Variants in TRDN observed in about 807,000 individuals in gnomAD.
TRDN encodes triadin.
TRDN carries 161 observed loss-of-function variants against 149.7 expected under a neutral mutation model. That is an observed-to-expected ratio of 1.08 (90% CI 0.95 to 1.23). The LOEUF is 1.23. Ranked by LOEUF, TRDN falls within the 50% of genes most tolerant of loss-of-function variation. TRDN has a pLI of 0.00. For missense variants in TRDN, 896 were observed against 823.5 expected (o/e 1.09, Z -1.08); for synonymous variants, 294 against 250.5 (o/e 1.17, Z -1.64).
In TRDN at chr6:123,269,873, A is replaced by G. The variant is rs750145874; in HGVS notation, c.1721-7T>C. 7 of 1,610,274 alleles carry G rather than the reference A, an allele frequency of 4.3e-6. No homozygotes were observed. The South Asian group carries it at 7.7e-5, about 18-fold the overall frequency. Reference sequence around the variant, plus strand: ...CTTGTTGGTTTGGGCTTGGCTGTGGAGAATGGAGGCAAGCACATGGCATAT... The same window carrying G: ...CTTGTTGGTTTGGGCTTGGCTGTGGGGAATGGAGGCAAGCACATGGCATAT... On this transcript the variant is annotated splice_region_variant and splice_polypyrimidine_tract_variant and intron_variant, in intron 30 of 40. Coordinates refer to ENST00000334268, the MANE Select transcript of TRDN (RefSeq NM_006073.4).
intron 12 of TRDN, among the ~76,000 whole-genome samples, chr6:123,423,718 G>A (rs1027759951): frequency 2.0e-5 from 3 of 152,114 alleles, no homozygotes; most frequent in African/African-American, 4.8e-5. Flanking sequence ...TCATAGTCTT[G>A]AAATACCTTT....
rs75591541 is a variant in TRDN, at chr6:123,521,499, G to A, written c.485-5293C>T. ...ATCTACAAGGCCCCAAAGCTTGCCC[G>A]CAAACCTCCAGAGGCCAGGAGAGAG... On this transcript the variant is annotated intron_variant, in intron 5 of 40. Transcript: ENST00000334268. Among the ~76,000 whole-genome samples, 939 of 152,118 alleles carry A rather than the reference G, an allele frequency of 6.2e-3. 9 individuals carry two copies. Among genetic ancestry groups the A allele is most frequent in the African/African-American group, 0.021 (881 of 41,494 alleles).
chr6:123,547,328 A>G lies in TRDN; in HGVS notation c.424+12T>C. 2.1e-6 allele frequency: 3 copies of G among 1,443,698 alleles called. No homozygotes were observed. The highest frequency in any genetic ancestry group is 2.8e-6 in the Non-Finnish European group (3 of 1,085,396). 89.4% of individuals were successfully genotyped at this position (1,443,698 alleles called of 1,614,324 possible). On this transcript the variant is annotated intron_variant, in intron 4 of 40. Transcript: ENST00000334268. ...AGAAAAATAATTATTATCAAAGGTG[A>G]AAACAACTAACCTTTTTTTCTCAAG... is the stretch of plus-strand genomic sequence containing the variant.
intron 9 of TRDN, among the ~76,000 whole-genome samples, chr6:123,486,065 G>C (rs1165162132): frequency 6.6e-6 from 1 of 152,024 alleles, no homozygotes. Flanking sequence ...CTAATAAATA[G>C]TCAAAATCTT....
At chr6:123,569,154 C>G (rs776268837) in intron 2 of TRDN, among the ~76,000 whole-genome samples, 1 of 152,140 alleles carries the variant, frequency 6.6e-6, no homozygotes, top group Non-Finnish European at 1.5e-5. Flanking sequence ...CTCTCAGGTC[C>G]GTACTTCTAC....
At chr6:123,604,157 G>C (rs559458762) in intron 1 of TRDN, among the ~76,000 whole-genome samples, 1 of 152,260 alleles carries the variant, frequency 6.6e-6, no homozygotes, top group East Asian at 1.9e-4. Flanking sequence ...CTTCCCTCAA[G>C]GGTCTTAGAG....
At chr6:123,443,234 C>A (rs1347107325) in intron 10 of TRDN, among the ~76,000 whole-genome samples, 2 of 145,750 alleles carry the variant, frequency 1.4e-5, no homozygotes, top group Middle Eastern at 3.6e-3. Flanking sequence ...TATACATATA[C>A]ATATTATATA....
At chr6:123,408,307 G>C (rs1773278745) in intron 12 of TRDN, among the ~76,000 whole-genome samples, 1 of 152,142 alleles carries the variant, frequency 6.6e-6, no homozygotes, top group Non-Finnish European at 1.5e-5. Flanking sequence ...TTAAGCACTT[G>C]AATAAGGTCA....
intron 24 of TRDN, among the ~76,000 whole-genome samples, chr6:123,288,852 C>T (rs1216306945): frequency 6.6e-6 from 1 of 151,780 alleles, no homozygotes; most frequent in Non-Finnish European, 1.5e-5. Context: ...CCATATTCAG[C>T]AATTTTCAGC....
chr6:123,330,259 A>G (rs1468897925), intron 23 of TRDN, among the ~76,000 whole-genome samples: 1 of 152,130 alleles, frequency 6.6e-6, no homozygotes, highest in Admixed American at 6.6e-5. Context: ...ACTTAATGGT[A>G]TCTAACCATT....
Position 123,486,165 on chromosome 6 carries a change from A to G in TRDN, c.853+11028T>C, listed in dbSNP as rs540751072. On this transcript the variant is annotated intron_variant, in intron 9 of 40. Transcript: ENST00000334268. Reference sequence around the variant, plus strand: ...CGGTAAATGAAATGGATCCAAACATATTTTCTGAAAGATTTTACTCTTAGA... The same window carrying G: ...CGGTAAATGAAATGGATCCAAACATGTTTTCTGAAAGATTTTACTCTTAGA... Among the ~76,000 whole-genome samples the G allele has an allele frequency of 3.9e-5, 6 of 151,976 alleles. No homozygotes were observed. The South Asian group carries it at 1.0e-3, about 26-fold the overall frequency.
chr6:123,264,749 A>G (rs1396298634), intron 33 of TRDN, among the ~76,000 whole-genome samples: 1 of 152,032 alleles, frequency 6.6e-6, no homozygotes, highest in African/African-American at 2.4e-5. Flanking sequence ...TTCAGAAACC[A>G]CCACCTTCAT....
chr6:123,365,071 C>T (rs1235444681), intron 20 of TRDN, among the ~76,000 whole-genome samples: 1 of 152,060 alleles, frequency 6.6e-6, no homozygotes, highest in Non-Finnish European at 1.5e-5. Context: ...TAAAAACTGA[C>T]ATCACAAATA....
chr6:123,443,548 T>C (rs918215065), intron 10 of TRDN, among the ~76,000 whole-genome samples: 1 of 152,008 alleles, frequency 6.6e-6, no homozygotes, highest in Admixed American at 6.6e-5. Flanking sequence ...ATCTCAGCAC[T>C]TTGGGAGGCT....
chr6:123,413,910 A>C (rs1259716110), intron 12 of TRDN, among the ~76,000 whole-genome samples: 1 of 152,116 alleles, frequency 6.6e-6, no homozygotes, highest in East Asian at 1.9e-4. Context: ...ACTCACCATT[A>C]GACATCTCTA....
chr6:123,352,611 A>C lies in TRDN; in HGVS notation c.1322-25T>G. The C allele has an allele frequency of 1.9e-6, 3 of 1,604,916 alleles. No homozygotes were observed. The South Asian group carries it at 3.3e-5, about 18-fold the overall frequency. On this transcript the variant is annotated intron_variant, in intron 20 of 40. Transcript: ENST00000334268. ...GCTGCAAAACAAAGATAAGGTTTAAAGAAGAGTTCCAGACAGAAATACTGC... is the reference window on the plus strand; with the variant it reads ...GCTGCAAAACAAAGATAAGGTTTAACGAAGAGTTCCAGACAGAAATACTGC...
chr6:123,357,224 A>G (rs554365176), intron 20 of TRDN, among the ~76,000 whole-genome samples: 10 of 152,174 alleles, frequency 6.6e-5, no homozygotes, highest in African/African-American at 1.9e-4. Context: ...TGTTCCTAAC[A>G]TAGTAATTAA....
chr6:123,457,032 A>G (rs1235009746), intron 10 of TRDN, among the ~76,000 whole-genome samples: 1 of 152,270 alleles, frequency 6.6e-6, no homozygotes, highest in Admixed American at 6.5e-5. Context: ...ATTTGCTGAC[A>G]CAAGGAAGTT....
intron 10 of TRDN, among the ~76,000 whole-genome samples, chr6:123,458,547 G>T (rs1212098239): frequency 2.0e-5 from 3 of 152,144 alleles, no homozygotes; most frequent in Non-Finnish European, 4.4e-5. Flanking sequence ...CTGCCTGCAT[G>T]CCCTGCAGAT....
Sources: allele counts gnomAD v4.1 joint callset (sites outside exome capture counted in the v4.1 genomes callset), GRCh38; gene constraint gnomAD v4.1.1; transcripts MANE v1.5; gene names NCBI Gene and HGNC (gene_info 2026-07-23, HGNC 2026-07-21).